IFT74: variants seen among roughly 807,000 people sequenced by gnomAD.
IFT74 encodes intraflagellar transport protein 74 homolog.
In IFT74, 92 loss-of-function variants were observed where a neutral mutation model predicts 96.7. The ratio of observed to expected loss-of-function variants is 0.95; its 90% CI spans 0.80 to 1.13. The LOEUF is 1.13. Among genes scored for constraint, IFT74 ranks in the 50% most tolerant of loss-of-function variants. The pLI, the probability that IFT74 is intolerant of heterozygous loss-of-function variation, is 0.00. For synonymous variants in IFT74, 223 were observed against 213.2 expected, an observed-to-expected ratio of 1.05 and a Z score of -0.40; for missense variants, 811 against 698.2, an observed-to-expected ratio of 1.16 and a Z score of -1.82.
Position 27,065,937 on chromosome 9 carries a change from A to G in IFT74, c.*3201A>G, listed in dbSNP as rs1208766486. ...TGTAAGTTTACAGTTTGATAACTGA[A>G]AAACATTTTTAAAAAGGCAATTTTT... On this transcript the variant is annotated 3_prime_UTR_variant, in exon 20 of 20. Transcript: ENST00000380062. 6.6e-6 allele frequency among the ~76,000 whole-genome samples: 1 copy of G among 152,236 alleles called. No homozygotes were observed. The highest frequency in any genetic ancestry group is 1.5e-5 in the Non-Finnish European group (1 of 68,038).
At chr9:27,058,648 A>G (rs1381327145) in intron 18 of IFT74, among the ~76,000 whole-genome samples, 1 of 152,196 alleles carries the variant, frequency 6.6e-6, no homozygotes, top group East Asian at 1.9e-4. Flanking sequence ...TCGGCCTCCC[A>G]AAGTGCTGGG....
At chr9:26,996,608 T>A (rs1360821711) in intron 8 of IFT74, 1 of 662,476 alleles carries the variant, frequency 1.5e-6, no homozygotes, top group Non-Finnish European at 2.2e-6. Flanking sequence ...CTTAAAGGCA[T>A]TATAAGAAAT....
At chr9:26,997,663 A>C (rs531440071) in intron 8 of IFT74, 1 of 1,493,650 alleles carries the variant, frequency 6.7e-7, no homozygotes, top group African/African-American at 1.4e-5. Flanking sequence ...GTGATATGAG[A>C]GATTTTTCTG....
chr9:26,961,367 C>A (rs541304020), intron 1 of IFT74, among the ~76,000 whole-genome samples: 14 of 152,082 alleles, frequency 9.2e-5, no homozygotes, highest in African/African-American at 2.9e-4. Flanking sequence ...TGGGGTTACA[C>A]GCGTTTGCCA....
At chr9:26,991,999 T>C (rs938138396) in intron 8 of IFT74, among the ~76,000 whole-genome samples, 1 of 151,428 alleles carries the variant, frequency 6.6e-6, no homozygotes, top group Non-Finnish European at 1.5e-5. Flanking sequence ...ATCGTGCCAC[T>C]GCACTCCAGC....
intron 3 of IFT74, among the ~76,000 whole-genome samples, chr9:26,979,798 C>A (rs553452547): frequency 6.8e-6 from 1 of 148,116 alleles, no homozygotes; most frequent in African/African-American, 2.5e-5. Flanking sequence ...CTGCAACCTC[C>A]GCATCCCAGA....
intron 8 of IFT74, chr9:26,994,536 CAAAAAAAAAAA>C (rs1170964624): frequency 8.6e-5 from 5 of 58,312 alleles, no homozygotes; most frequent in Non-Finnish European, 1.8e-4. Flanking sequence ...GACTTTGTCT[CAAAAAAAAAAA>C]AAAAAAAAAG....
chr9:27,048,677 GA>G (rs1398560792), intron 16 of IFT74, among the ~76,000 whole-genome samples: 1 of 152,158 alleles, frequency 6.6e-6, no homozygotes, highest in East Asian at 1.9e-4. Flanking sequence ...TAAGGGAAAT[GA>G]AAAATTACAG....
At chr9:26,968,599 T>C (rs1374926361) in intron 2 of IFT74, among the ~76,000 whole-genome samples, 1 of 152,150 alleles carries the variant, frequency 6.6e-6, no homozygotes, top group Non-Finnish European at 1.5e-5. Context: ...GTTATTGTTA[T>C]TGGTCTGTTC....
chr9:27,020,245 G>A (rs917756574), intron 12 of IFT74, among the ~76,000 whole-genome samples: 6 of 151,784 alleles, frequency 4.0e-5, no homozygotes, highest in Non-Finnish European at 7.4e-5. Flanking sequence ...TGTTTTTGTT[G>A]CTGATTACAA....
rs182139608 is a variant in IFT74, at chr9:27,022,008, T to C, written c.974+3321T>C. ...GATTCACCTTGAATTGATTTTTGTA[T>C]AAGATGAGAGATGAGGATCCAGTTT... On this transcript the variant is annotated intron_variant, in intron 12 of 19. Coordinates refer to ENST00000380062, the MANE Select transcript of IFT74 (RefSeq NM_025103.4). Among the ~76,000 whole-genome samples, 113 of 152,350 alleles carry C rather than the reference T, an allele frequency of 7.4e-4. No individual in the cohort carries two copies. In the East Asian group the frequency reaches 0.019, roughly 25 times the overall value.
At chr9:26,999,670 G>A (rs1416307437) in intron 8 of IFT74, 2 of 1,609,622 alleles carry the variant, frequency 1.2e-6, no homozygotes, top group South Asian at 1.1e-5. Context: ...GGCCAAAAGA[G>A]GATTGTGATG....
chr9:26,999,864 C>G (rs1828384123), intron 8 of IFT74, among the ~76,000 whole-genome samples: 1 of 150,890 alleles, frequency 6.6e-6, no homozygotes, highest in African/African-American at 2.4e-5. Context: ...CTTGATCTCC[C>G]AGGCTTAAGC....
rs181221117 is a variant in IFT74, at chr9:26,986,324, T to G, written c.465+1765T>G. ...GGTTTTGTTTTTTGTTTTTTTGTTG[T>G]TTTTTTTTTTCAAGACAGTCTTGCT... On this transcript the variant is annotated intron_variant, in intron 6 of 19. Coordinates refer to ENST00000380062, the MANE Select transcript of IFT74 (RefSeq NM_025103.4). Among the ~76,000 whole-genome samples, 96 of 146,922 alleles carry G rather than the reference T, an allele frequency of 6.5e-4. 2 individuals are homozygous for G. The East Asian group carries it at 0.017, about 26-fold the overall frequency.
chr9:27,010,747 C>T (rs1829030417), intron 9 of IFT74, among the ~76,000 whole-genome samples: 3 of 151,876 alleles, frequency 2.0e-5, no homozygotes, highest in African/African-American at 4.8e-5. Flanking sequence ...GTATTACAGG[C>T]GTGAGCCACT....
At chr9:26,949,730 C>G (rs532075233) in intron 1 of IFT74, among the ~76,000 whole-genome samples, 2 of 151,976 alleles carry the variant, frequency 1.3e-5, no homozygotes, top group African/African-American at 4.8e-5. Flanking sequence ...TTTAAAGGAT[C>G]GGTTGGTGGG....
chr9:27,030,857 T>C (rs1405039499), intron 13 of IFT74, among the ~76,000 whole-genome samples: 2 of 152,212 alleles, frequency 1.3e-5, no homozygotes, highest in Non-Finnish European at 2.9e-5. Context: ...GAAAAAGTAT[T>C]GTTCTTCCAA....
rs188070089 is a variant in IFT74, at chr9:27,026,822, G to A, written c.975-2203G>A. Among the ~76,000 whole-genome samples, 34 of 152,212 alleles carry A rather than the reference G, an allele frequency of 2.2e-4. 1 individual carries two copies. The East Asian group carries it at 5.2e-3, about 23-fold the overall frequency. On this transcript the variant is annotated intron_variant, in intron 12 of 19. Coordinates refer to ENST00000380062, the MANE Select transcript of IFT74 (RefSeq NM_025103.4). ...TTAAAACCTCTGGGATACAGCAAAAGCAGTGCCTAGAGGAACATTCAGAGC... is the reference window on the plus strand; with the variant it reads ...TTAAAACCTCTGGGATACAGCAAAAACAGTGCCTAGAGGAACATTCAGAGC...
intron 12 of IFT74, among the ~76,000 whole-genome samples, chr9:27,021,380 C>T (rs1395678335): frequency 6.6e-6 from 1 of 152,142 alleles, no homozygotes; most frequent in Non-Finnish European, 1.5e-5. Context: ...AATGGTAGAC[C>T]TACTTTTAGT....
Sources: allele counts gnomAD v4.1 joint callset (sites outside exome capture counted in the v4.1 genomes callset), GRCh38; gene constraint gnomAD v4.1.1; transcripts MANE v1.5; gene names NCBI Gene and HGNC (gene_info 2026-07-23, HGNC 2026-07-21).